Variants in LARP4B observed in about 807,000 individuals in gnomAD.
LARP4B encodes the protein la-related protein 4B.
A neutral mutation model predicts 89.8 loss-of-function variants in LARP4B; 12 were observed. The ratio of observed to expected loss-of-function variants is 0.13; its 90% CI spans 0.09 to 0.22. LARP4B has a LOEUF of 0.22. Among genes scored for constraint, LARP4B ranks in the 10% least tolerant of loss-of-function variants. The pLI is 1.00. For missense variants in LARP4B, 757 were observed against 947.7 expected, an observed-to-expected ratio of 0.80 and a Z score of 2.64; for synonymous variants, 367 against 363.3, an observed-to-expected ratio of 1.01 and a Z score of -0.12.
intron 3 of LARP4B, among the ~76,000 whole-genome samples, chr10:879,810 G>A (rs1285800606): frequency 6.6e-6 from 1 of 151,734 alleles, no homozygotes; most frequent in Non-Finnish European, 1.5e-5. Flanking sequence ...TTTCGCTCTT[G>A]TTGCCCAGGC....
At chr10:846,682 C>T (rs567196616) in intron 5 of LARP4B, among the ~76,000 whole-genome samples, 15 of 152,316 alleles carry the variant, frequency 9.8e-5, no homozygotes, top group African/African-American at 3.6e-4. Context: ...GAAAATATCT[C>T]TCTGGTTCCA....
In LARP4B at chr10:812,983, C is replaced by G. The variant is rs772948662; in HGVS notation, c.2160G>C (p.Ser720=). Residue 720 remains serine, a synonymous_variant, in exon 18 of 18, where the codon TCG becomes TCC. Transcript: ENST00000316157. ...RRPAGGRPSP[S]AMGKRLSREQ... ...CTCGGCTGAGACGCTTCCCCATGGC[C>G]GAGGGCGAGGGCCGGCCCCCCGCCG... 6.3e-7 allele frequency: 1 copy of G among 1,579,816 alleles called. No individual in the cohort carries two copies. The highest frequency in any genetic ancestry group is 8.5e-7 in the Non-Finnish European group (1 of 1,170,952).
chr10:909,042 C>T (rs1019968393), intron 1 of LARP4B, among the ~76,000 whole-genome samples: 1 of 152,126 alleles, frequency 6.6e-6, no homozygotes, highest in Non-Finnish European at 1.5e-5. Flanking sequence ...TGCCTGTAAT[C>T]CCAGCACTTT....
intron 1 of LARP4B, among the ~76,000 whole-genome samples, chr10:929,698 TC>T (rs1414854250): frequency 6.6e-6 from 1 of 152,208 alleles, no homozygotes; most frequent in East Asian, 1.9e-4. Context: ...ATTATCATCA[TC>T]CCCCTGTTAC....
chr10:857,858 A>G (rs974953952), intron 5 of LARP4B, among the ~76,000 whole-genome samples: 5 of 152,182 alleles, frequency 3.3e-5, no homozygotes, highest in African/African-American at 1.2e-4. Context: ...GTCAATGGCC[A>G]AAAGATGGAT....
At chr10:937,610 GT>G in the LARP4B span, among the ~76,000 whole-genome samples, 1 of 151,988 alleles carries the variant, frequency 6.6e-6, no homozygotes, top group Non-Finnish European at 1.5e-5. Flanking sequence ...ACACCACTAT[GT>G]GTCTGCCTCA....
At chr10:856,653 G>A (rs988232039) in intron 5 of LARP4B, among the ~76,000 whole-genome samples, 81 of 152,292 alleles carry the variant, frequency 5.3e-4, no homozygotes, top group Middle Eastern at 3.4e-3. Flanking sequence ...AGTCATTGGC[G>A]GGTGAGGGGT....
At chr10:853,666 G>A (rs1356182453) in intron 5 of LARP4B, among the ~76,000 whole-genome samples, 1 of 152,174 alleles carries the variant, frequency 6.6e-6, no homozygotes, top group African/African-American at 2.4e-5. Flanking sequence ...CCTAAGTGAC[G>A]GAGTGAGATT....
At chr10:838,482 T>C (rs1339458168) in intron 7 of LARP4B, among the ~76,000 whole-genome samples, 1 of 152,156 alleles carries the variant, frequency 6.6e-6, no homozygotes, top group African/African-American at 2.4e-5. Flanking sequence ...TCACAAAAGA[T>C]TTACAGAGGG....
At chr10:931,814 G>A (rs1039040072), upstream of LARP4B, 1 of 151,436 alleles carries the variant, frequency 6.6e-6, no homozygotes, top group African/African-American at 2.4e-5. Flanking sequence ...AGCCCCGGGA[G>A]AGCCTCACGT....
the LARP4B span, among the ~76,000 whole-genome samples, chr10:939,079 G>A: frequency 1.3e-5 from 2 of 152,202 alleles, no homozygotes; most frequent in Non-Finnish European, 1.5e-5. Flanking sequence ...ATGAGATGAA[G>A]GATTTTAATT....
At chr10:944,027 A>G in the LARP4B span, among the ~76,000 whole-genome samples, 8 of 152,228 alleles carry the variant, frequency 5.3e-5, no homozygotes, top group East Asian at 3.8e-4. Context: ...TTACTGGTGC[A>G]TAACAAAGGG....
chr10:885,653 G>C lies in LARP4B; in HGVS notation c.69C>G (p.Asp23Glu). The change falls in exon 2 of 18, where the codon GAC becomes GAG. Residue 23 changes from aspartate (D) to glutamate (E), a missense_variant. Asp to Glu is a conservative substitution (Grantham distance 45). Transcript: ENST00000316157. ...PQTQRVQEGK[D>E]SAHLMNGPIS... ...CGACAGCACCCACCAGATGAGCGCT[G>C]TCCTTGCCCTCCTGGACTCTCTGCG... The C allele has an allele frequency of 1.2e-6, 2 of 1,613,946 alleles. No individual in the cohort carries two copies. Among genetic ancestry groups the C allele is most frequent in the Non-Finnish European group, 1.7e-6 (2 of 1,179,884 alleles).
chr10:892,570 C>T (rs977907095), intron 1 of LARP4B, among the ~76,000 whole-genome samples: 2 of 151,128 alleles, frequency 1.3e-5, no homozygotes. Flanking sequence ...GATAGAGTAT[C>T]GCTCTGTTGC....
intron 2 of LARP4B, 31 bp downstream of exon 2, chr10:885,610 A>T: frequency 6.4e-7 from 1 of 1,555,838 alleles, no homozygotes; most frequent in Non-Finnish European, 8.8e-7. Context: ...AAAGCAATGG[A>T]CTCCCCACCA....
At chr10:821,365 C>T (rs1331535145) in intron 13 of LARP4B, among the ~76,000 whole-genome samples, 1 of 152,226 alleles carries the variant, frequency 6.6e-6, no homozygotes, top group Admixed American at 6.5e-5. Context: ...ACACAAGGAC[C>T]TCTGTGCCCC....
chr10:897,920 G>A (rs1355942544), intron 1 of LARP4B, among the ~76,000 whole-genome samples: 4 of 148,890 alleles, frequency 2.7e-5, no homozygotes, highest in African/African-American at 7.5e-5. Flanking sequence ...CCTGGGAGGC[G>A]GAGGTTGCAG....
chr10:981,648 G>A, the LARP4B span, among the ~76,000 whole-genome samples: 11 of 152,154 alleles, frequency 7.2e-5, no homozygotes, highest in East Asian at 1.2e-3. Context: ...TCGGCTCACC[G>A]CAACCTCTGC....
chr10:820,021 C>T (rs1327393910), intron 14 of LARP4B: 4 of 152,016 alleles, frequency 2.6e-5, no homozygotes, highest in African/African-American at 4.8e-5. Context: ...TAACTGCCAC[C>T]GTGCCATCCC....
Sources: gnomAD v4.1 joint callset for allele counts (sites outside exome capture counted in the v4.1 genomes callset) on GRCh38, gnomAD v4.1.1 for gene constraint, MANE v1.5 for transcripts, NCBI Gene and HGNC (gene_info 2026-07-23, HGNC 2026-07-21) for gene names.